WWTR1: variants seen among roughly 807,000 people sequenced by gnomAD.
The protein encoded by WWTR1 is WW domain-containing transcription regulator protein 1.
Under a neutral mutation model 40.1 loss-of-function variants are expected in WWTR1, and 13 were observed. The observed-to-expected ratio is 0.32, with a 90% CI of 0.21 to 0.52. The LOEUF is 0.52. Ranked by LOEUF, WWTR1 falls within the 20% of genes least tolerant of loss-of-function variation. The probability of loss-of-function intolerance (pLI) is 0.97; values close to 1 mark genes in which losing one functional copy is unlikely to be tolerated. For missense variants in WWTR1, 436 were observed against 523.1 expected (o/e 0.83, Z 1.63); for synonymous variants, 230 against 210.1 (o/e 1.09, Z -0.82).
At chr3:149,644,119 G>T (rs1341019914) in intron 2 of WWTR1, among the ~76,000 whole-genome samples, 1 of 152,042 alleles carries the variant, frequency 6.6e-6, no homozygotes, top group Admixed American at 6.6e-5. Context: ...CTCCCAGTAC[G>T]GCTTGCTACA....
intron 1 of WWTR1, among the ~76,000 whole-genome samples, chr3:149,683,740 C>CCCTG (rs1277598259): frequency 6.6e-6 from 1 of 151,936 alleles, no homozygotes; most frequent in Non-Finnish European, 1.5e-5. Flanking sequence ...TAGACAAGAG[C>CCCTG]CAGGGGTCTG....
chr3:149,670,561 G>A (rs545168810), intron 1 of WWTR1, among the ~76,000 whole-genome samples: 20 of 151,290 alleles, frequency 1.3e-4, no homozygotes, highest in Non-Finnish European at 2.8e-4. Context: ...GGAGAATGGC[G>A]TGAACCCGGG....
chr3:149,541,070 TATTTCTCTA>T (rs1359354738), intron 4 of WWTR1: 4 of 456,156 alleles, frequency 8.8e-6, no homozygotes, highest in Non-Finnish European at 1.8e-5. Flanking sequence ...TAAAACTACT[TATTTCTCTA>T]ATTTCTCTAA....
chr3:149,679,471 T>C (rs1332104916), intron 1 of WWTR1, among the ~76,000 whole-genome samples: 1 of 152,130 alleles, frequency 6.6e-6, no homozygotes, highest in East Asian at 1.9e-4. Flanking sequence ...CCTTTCCAGA[T>C]AAGTTGGCTC....
intron 2 of WWTR1, among the ~76,000 whole-genome samples, chr3:149,646,583 G>A (rs1159419655): frequency 6.6e-6 from 1 of 152,180 alleles, no homozygotes; most frequent in African/African-American, 2.4e-5. Context: ...CCAGCAGTAT[G>A]CCATCAGTTC....
chr3:149,722,716 C>G (rs564765970), intron 4 of WWTR1, among the ~76,000 whole-genome samples: 15 of 151,782 alleles, frequency 9.9e-5, no homozygotes, highest in Non-Finnish European at 2.2e-4. Flanking sequence ...TCACGTTCCT[C>G]CAGTCTTTTT....
intron 2 of WWTR1, among the ~76,000 whole-genome samples, chr3:149,597,028 T>C (rs773460351): frequency 3.9e-5 from 6 of 152,144 alleles, no homozygotes; most frequent in Non-Finnish European, 7.3e-5. Context: ...AATGATCTAC[T>C]CCATAAAGTT....
At position 149,517,235 on chromosome 3, in the gene WWTR1, T is replaced by G. The variant is rs769346396; in HGVS notation, c.*3570A>C. The G allele has an allele frequency of 6.6e-6, 1 of 152,076 alleles. No individual in the cohort carries two copies. The highest frequency in any genetic ancestry group is 2.4e-5 in the African/African-American group (1 of 41,408). 9.4% of individuals were successfully genotyped at this position (152,076 alleles called of 1,614,324 possible). ...ATAATGAAAAGTCAAAAGCTCCAAG[T>G]GGAAGTTCAATTGTCTTTATTTTTC... On this transcript the variant is annotated 3_prime_UTR_variant, in exon 7 of 7. Transcript: ENST00000360632.
chr3:149,537,254 C>A (rs558425927), intron 4 of WWTR1, among the ~76,000 whole-genome samples: 1 of 152,120 alleles, frequency 6.6e-6, no homozygotes, highest in African/African-American at 2.4e-5. Flanking sequence ...GGATTCTAGG[C>A]GCTTTGGAAT....
intron 2 of WWTR1, among the ~76,000 whole-genome samples, chr3:149,620,357 T>G (rs796094502): frequency 1.4e-4 from 21 of 152,274 alleles, no homozygotes; most frequent in African/African-American, 5.1e-4. Flanking sequence ...TTTTGGAACC[T>G]CTTTGGTCAG....
intron 2 of WWTR1, among the ~76,000 whole-genome samples, chr3:149,634,175 G>A (rs1250437629): frequency 2.6e-5 from 4 of 152,170 alleles, no homozygotes; most frequent in Admixed American, 2.0e-4. Flanking sequence ...AGCCAGGGTG[G>A]CTCTGGGCCC....
intron 4 of WWTR1, among the ~76,000 whole-genome samples, chr3:149,722,825 G>A (rs116952205): frequency 0.014 from 2,100 of 151,694 alleles, 30 homozygotes; most frequent in East Asian, 0.062. Flanking sequence ...TTTTCACTTC[G>A]ACTACTGTAA....
At chr3:149,706,654 AT>A, upstream of WWTR1, among the ~76,000 whole-genome samples, 2 of 152,196 alleles carry the variant, frequency 1.3e-5, no homozygotes. Flanking sequence ...AAAAAGGTGT[AT>A]CAGAACTCTA....
intron 2 of WWTR1, among the ~76,000 whole-genome samples, chr3:149,614,913 G>T (rs1168977369): frequency 6.6e-6 from 1 of 152,094 alleles, no homozygotes; most frequent in Non-Finnish European, 1.5e-5. Context: ...AACCAGGGAG[G>T]TGGAGTTTAC....
rs1300393103 is a variant in WWTR1 at position 149,553,675 on chromosome 3, C to T, written c.569-11138G>A. The stretch of plus-strand genomic sequence containing the variant: ...TGATATGCAACTGAAAGAAGCAAGC[C>T]AAAACATACAGGTGTAAATCGTTTC... On this transcript the variant is annotated intron_variant, in intron 3 of 6. Transcript: ENST00000360632. Among the ~76,000 whole-genome samples, 6 of 152,170 alleles carry T rather than the reference C, an allele frequency of 3.9e-5. No individual in the cohort carries two copies. The East Asian group carries it at 1.2e-3, about 29-fold the overall frequency.
chr3:149,636,340 C>G (rs1471885291), intron 2 of WWTR1, among the ~76,000 whole-genome samples: 1 of 152,224 alleles, frequency 6.6e-6, no homozygotes, highest in Non-Finnish European at 1.5e-5. Flanking sequence ...CCTACTCTAC[C>G]TCTTCAGCTC....
In WWTR1 at chr3:149,532,529, A is replaced by C. The variant is rs1346841668; in HGVS notation, c.772-4560T>G. 2.0e-5 allele frequency among the ~76,000 whole-genome samples: 3 copies of C among 152,222 alleles called. No individual in the cohort carries two copies. The East Asian group carries it at 5.8e-4, about 29-fold the overall frequency. On this transcript the variant is annotated intron_variant, in intron 4 of 6. Coordinates refer to ENST00000360632, the MANE Select transcript of WWTR1 (RefSeq NM_015472.6). Reference sequence around the variant, plus strand: ...GTAGTGAGATGTTTTACTTCACTTAAATTTTATAATACGAGTTCTATATTT... The same window carrying C: ...GTAGTGAGATGTTTTACTTCACTTACATTTTATAATACGAGTTCTATATTT...
chr3:149,524,856 C>T (rs958596412), intron 6 of WWTR1, among the ~76,000 whole-genome samples: 1 of 152,152 alleles, frequency 6.6e-6, no homozygotes, highest in African/African-American at 2.4e-5. Flanking sequence ...ATTTTCAACA[C>T]AAAACAATTA....
chr3:149,542,933 G>T (rs975531438), intron 3 of WWTR1, among the ~76,000 whole-genome samples: 10 of 152,136 alleles, frequency 6.6e-5, no homozygotes, highest in Non-Finnish European at 1.3e-4. Context: ...GTTAATTTGT[G>T]TGTTTATGGC....
Sources: allele counts gnomAD v4.1 joint callset (sites outside exome capture counted in the v4.1 genomes callset), GRCh38; gene constraint gnomAD v4.1.1; transcripts MANE v1.5; gene names NCBI Gene and HGNC (gene_info 2026-07-23, HGNC 2026-07-21).